NSRP1: variants seen among roughly 807,000 people sequenced by gnomAD.
NSRP1 encodes the protein nuclear speckle splicing regulatory protein 1.
NSRP1 carries 24 observed loss-of-function variants against 54.7 expected under a neutral mutation model. That is an observed-to-expected ratio of 0.44 (90% CI 0.32 to 0.62). The LOEUF (loss-of-function observed/expected upper bound fraction) is 0.62. Ranked by LOEUF, NSRP1 falls within the 20% of genes least tolerant of loss-of-function variation. NSRP1 has a pLI of 0.06. For synonymous variants in NSRP1, 210 were observed against 213.8 expected, an observed-to-expected ratio of 0.98 and a Z score of 0.15; for missense variants, 596 against 651.2, an observed-to-expected ratio of 0.92 and a Z score of 0.92.
chr17:30,132,589 G>C (rs560139332), intron 2 of NSRP1, among the ~76,000 whole-genome samples: 21 of 152,314 alleles, frequency 1.4e-4, no homozygotes, highest in African/African-American at 4.8e-4. Flanking sequence ...TCATCCAGTA[G>C]AAGAAATTTG....
intron 2 of NSRP1, among the ~76,000 whole-genome samples, chr17:30,152,982 C>CT (rs1416500558): frequency 1.4e-5 from 2 of 139,132 alleles, no homozygotes; most frequent in Non-Finnish European, 3.0e-5. Context: ...GATCTCAGCT[C>CT]ACTGCACTGC....
intron 3 of NSRP1, among the ~76,000 whole-genome samples, chr17:30,173,254 G>A (rs938166692): frequency 7.9e-5 from 12 of 152,186 alleles, no homozygotes; most frequent in African/African-American, 2.4e-4. Context: ...GTGAGCCACC[G>A]TGCGCGGCCT....
chr17:30,184,464 G>C, intron 6 of NSRP1, 151 bp from the exon 7 acceptor site: 1 of 925,046 alleles, frequency 1.1e-6, no homozygotes. Context: ...ATAGACATCA[G>C]GACCTTTTTG....
At chr17:30,177,395 T>C (rs1431943801) in intron 3 of NSRP1, among the ~76,000 whole-genome samples, 54 of 148,002 alleles carry the variant, frequency 3.6e-4, no homozygotes, top group Admixed American at 3.6e-3. Flanking sequence ...AAAAATCTAG[T>C]GTAAATATTG....
intron 1 of NSRP1, 119 bp downstream of exon 1, chr17:30,116,982 C>T: frequency 7.8e-7 from 1 of 1,280,308 alleles, no homozygotes; most frequent in Non-Finnish European, 1.1e-6. Flanking sequence ...AGGGTAGAGA[C>T]GGGAAAAAAC....
intron 2 of NSRP1, among the ~76,000 whole-genome samples, chr17:30,133,989 C>G (rs1489734846): frequency 1.3e-5 from 2 of 152,238 alleles, no homozygotes; most frequent in African/African-American, 4.8e-5. Flanking sequence ...ATGCCTTCCT[C>G]AATCAGCTTA....
chr17:30,130,683 T>C (rs888568152), intron 2 of NSRP1, among the ~76,000 whole-genome samples: 1 of 152,218 alleles, frequency 6.6e-6, no homozygotes, highest in Non-Finnish European at 1.5e-5. Flanking sequence ...TCTAGACTTT[T>C]TTTAATTGGC....
rs200921290 is a variant in NSRP1 at position 30,185,499 on chromosome 17, G to C, written c.1502G>C (p.Arg501Thr). The C allele has an allele frequency of 2.5e-5, 40 of 1,613,910 alleles. 1 individual carries two copies. In the Middle Eastern group the frequency reaches 5.0e-4, roughly 20 times the overall value. ...GAATCATCACTGGGAGCAAAACACA[G>C]ACTCACAGAGGAAGGGCAAGAGAAG... The part of the protein sequence containing the change: ...NSESSLGAKH[R>T]LTEEGQEKGK... Residue 501 changes from arginine (R) to threonine (T), a missense_variant, in exon 7 of 7, where the codon AGA (arginine) becomes ACA (threonine). Transcript: ENST00000247026.
intron 2 of NSRP1, among the ~76,000 whole-genome samples, chr17:30,126,982 G>T (rs2071655442): frequency 6.6e-6 from 1 of 152,192 alleles, no homozygotes. Context: ...TTTAGGCCTT[G>T]CAGGGCAACT....
At chr17:30,162,441 A>T (rs1051781334) in intron 2 of NSRP1, among the ~76,000 whole-genome samples, 2 of 152,218 alleles carry the variant, frequency 1.3e-5, no homozygotes, top group Admixed American at 6.5e-5. Flanking sequence ...TGTACTTACA[A>T]GAGTTGTGAG....
intron 2 of NSRP1, chr17:30,150,006 T>C (rs1416398587): frequency 6.6e-6 from 1 of 152,232 alleles, no homozygotes; most frequent in African/African-American, 2.4e-5. Context: ...TAATTGACTT[T>C]ATGTCTCTAC....
intron 2 of NSRP1, among the ~76,000 whole-genome samples, chr17:30,125,157 T>G (rs769761352): frequency 3.3e-4 from 50 of 152,248 alleles, no homozygotes; most frequent in Non-Finnish European, 6.8e-4. Flanking sequence ...ATCAAGCCAC[T>G]GCACTCCAGC....
chr17:30,185,305 T>C lies in NSRP1; in HGVS notation c.1308T>C (p.Asp436=), dbSNP rs138101458. Residue 436 remains aspartate (D), a synonymous_variant, in exon 7 of 7, where the codon GAT becomes GAC. Coordinates refer to ENST00000247026, the MANE Select transcript of NSRP1 (RefSeq NM_032141.4). ...ERYENNDKYR[D]REKREVGVQS... is the part of the protein sequence containing the mutation. ...ATGAAAATAATGATAAATACAGAGA[T>C]AGAGAAAAACGAGAGGTAGGTGTTC... The C allele has an allele frequency of 1.2e-6, 2 of 1,604,422 alleles. No individual in the cohort carries two copies. The highest frequency in any genetic ancestry group is 1.7e-6 in the Non-Finnish European group (2 of 1,177,622).
chr17:30,128,919 G>GTTTT (rs80161788), intron 2 of NSRP1, among the ~76,000 whole-genome samples: 2 of 138,838 alleles, frequency 1.4e-5, no homozygotes, highest in African/African-American at 2.6e-5. Flanking sequence ...TGGTTTTTTT[G>GTTTT]TTTTTTTTTT....
At chr17:30,164,730 C>T (rs577784694) in intron 2 of NSRP1, among the ~76,000 whole-genome samples, 6 of 151,980 alleles carry the variant, frequency 3.9e-5, no homozygotes, top group Admixed American at 6.6e-5. Flanking sequence ...CCCGGGAGGT[C>T]GAGGCTGCAG....
At chr17:30,184,301 T>G (rs1284526107) in intron 6 of NSRP1, among the ~76,000 whole-genome samples, 2 of 152,352 alleles carry the variant, frequency 1.3e-5, no homozygotes, top group East Asian at 3.9e-4. Context: ...TTCCCAATTA[T>G]TCTTTGTCTT....
chr17:30,165,912 A>G (rs184785418), intron 2 of NSRP1, among the ~76,000 whole-genome samples: 84 of 152,262 alleles, frequency 5.5e-4, no homozygotes, highest in Middle Eastern at 3.4e-3. Context: ...ATAAATACCA[A>G]CCTTACATTT....
intron 3 of NSRP1, among the ~76,000 whole-genome samples, chr17:30,173,629 A>G (rs1330398576): frequency 6.6e-6 from 1 of 152,216 alleles, no homozygotes; most frequent in Non-Finnish European, 1.5e-5. Flanking sequence ...AGCACTTTCT[A>G]TGTGCCAGGC....
Position 30,185,512 on chromosome 17 carries a change from A to G in NSRP1, c.1515A>G (p.Glu505=). 1 of 1,614,114 alleles carries G rather than the reference A, an allele frequency of 6.2e-7. No homozygotes were observed. The highest frequency in any genetic ancestry group is 1.1e-5 in the South Asian group (1 of 91,058). Residue 505 remains glutamate (E), a synonymous_variant, in exon 7 of 7, where the codon GAA becomes GAG. Coordinates refer to ENST00000247026, the MANE Select transcript of NSRP1 (RefSeq NM_032141.4). ...SLGAKHRLTE[E]GQEKGKEQER... is the part of the protein sequence containing the mutation. The stretch of plus-strand genomic sequence containing the variant: ...GAGCAAAACACAGACTCACAGAGGA[A>G]GGGCAAGAGAAGGGTAAAGAACAAG...
Sources: allele counts gnomAD v4.1 joint callset (sites outside exome capture counted in the v4.1 genomes callset), GRCh38; gene constraint gnomAD v4.1.1; transcripts MANE v1.5; gene names NCBI Gene and HGNC (gene_info 2026-07-23, HGNC 2026-07-21).